MAPKAPK5: variants seen among roughly 807,000 people sequenced by gnomAD.
MAPKAPK5 encodes MAPK activated protein kinase 5.
In MAPKAPK5, 30 loss-of-function variants were observed where a neutral mutation model predicts 65.1. The observed-to-expected ratio is 0.46, with a 90% CI of 0.34 to 0.63. The LOEUF (loss-of-function observed/expected upper bound fraction) is 0.63, where lower values mean the gene tolerates loss of function less well. Ranked by LOEUF, MAPKAPK5 falls within the 20% of genes least tolerant of loss-of-function variation. The pLI is 0.01. For synonymous variants in MAPKAPK5, 179 were observed against 204.6 expected (o/e 0.87, Z 1.07); for missense variants, 433 against 581.4 (o/e 0.74, Z 2.63).
chr12:111,855,853 C>CT (rs144921229), intron 1 of MAPKAPK5, among the ~76,000 whole-genome samples: 25,666 of 135,634 alleles, frequency 0.19, 2,513 homozygotes, highest in Middle Eastern at 0.27. Flanking sequence ...TGTTTAATTT[C>CT]TTTTTTTTTT....
chr12:111,842,676 CG>C lies in MAPKAPK5; in HGVS notation c.-54del. The stretch of plus-strand genomic sequence containing the variant: ...CGAGCCCTTTGCTCCCTCGGCCGCG[CG>C]GGGACAGGGCTGCTGAGCAGCCTCC... On this transcript the variant is annotated 5_prime_UTR_variant, in exon 1 of 14. Transcript: ENST00000550735. 2.3e-6 allele frequency: 3 copies of C among 1,298,616 alleles called. No homozygotes were observed. Among genetic ancestry groups the C allele is most frequent in the South Asian group, 2.6e-5 (1 of 38,524 alleles). 80.4% of individuals were successfully genotyped at this position (1,298,616 alleles called of 1,614,324 possible).
chr12:111,866,272 C>T lies in MAPKAPK5; in HGVS notation c.186+41C>T, dbSNP rs758734248. ...TCGACTTAATTAAATAGTTGAAGTG[C>T]CTAAGAATTGTTCTTTTGCAAGTAA... On this transcript the variant is annotated intron_variant, in intron 3 of 13. Coordinates refer to ENST00000550735, the MANE Select transcript of MAPKAPK5 (RefSeq NM_003668.4). The T allele has an allele frequency of 1.9e-5, 30 of 1,544,408 alleles. No homozygotes were observed. In the Admixed American group the frequency reaches 4.7e-4, roughly 24 times the overall value.
At chr12:111,892,165 G>T (rs2070638035) in intron 13 of MAPKAPK5, among the ~76,000 whole-genome samples, 1 of 152,182 alleles carries the variant, frequency 6.6e-6, no homozygotes, top group African/African-American at 2.4e-5. Context: ...CATTTTCACT[G>T]TATGAATGTG....
intron 6 of MAPKAPK5, 51 bp downstream of exon 6, chr12:111,870,411 C>T (rs1381428854): frequency 6.9e-7 from 1 of 1,459,650 alleles, no homozygotes; most frequent in East Asian, 2.3e-5. Flanking sequence ...TAACATAGTT[C>T]AGGAGTGGGT....
In MAPKAPK5 at chr12:111,898,077, C is replaced by T. The variant is rs551242167; in HGVS notation, c.*5016C>T. On this transcript the variant is annotated 3_prime_UTR_variant, in exon 14 of 14. Transcript: ENST00000550735. ...TTTCAGGTCAATTTTAGTTCCAAACCGAAGAAATCTTTTAAAAGTTCTTAT... is the reference window on the plus strand; with the variant it reads ...TTTCAGGTCAATTTTAGTTCCAAACTGAAGAAATCTTTTAAAAGTTCTTAT... 6 of 151,974 alleles carry T rather than the reference C, an allele frequency of 3.9e-5. No individual in the cohort carries two copies. Among genetic ancestry groups the T allele is most frequent in the African/African-American group, 9.7e-5 (4 of 41,428 alleles). 9.4% of individuals were successfully genotyped at this position (151,974 alleles called of 1,614,324 possible).
At chr12:111,856,558 C>A (rs1371679540) in intron 1 of MAPKAPK5, among the ~76,000 whole-genome samples, 13 of 151,954 alleles carry the variant, frequency 8.6e-5, no homozygotes, top group Non-Finnish European at 2.9e-5. Context: ...AAGTGTGCAC[C>A]ACCATGCCTG....
chr12:111,857,905 G>C (rs1369341597), intron 1 of MAPKAPK5, among the ~76,000 whole-genome samples: 1 of 150,004 alleles, frequency 6.7e-6, no homozygotes, highest in African/African-American at 2.5e-5. Context: ...GTGTGTGTTT[G>C]TGTGTGTGTG....
chr12:111,857,398 T>C (rs868720132), intron 1 of MAPKAPK5, among the ~76,000 whole-genome samples: 1 of 152,114 alleles, frequency 6.6e-6, no homozygotes, highest in Non-Finnish European at 1.5e-5. Context: ...TGTGCCACCA[T>C]GCCTGGCTAT....
chr12:111,868,791 G>T lies in MAPKAPK5; in HGVS notation c.323G>T (p.Gly108Val), dbSNP rs369792889. 19 of 1,571,414 alleles carry T rather than the reference G, an allele frequency of 1.2e-5. No individual in the cohort carries two copies. Residue 108 changes from glycine (G) to valine (V), a missense_variant, in exon 5 of 14, where the codon GGA becomes GTA. This residue lies in a region of MAPKAPK5 where 165 missense variants were observed against 180.0 expected (regional missense o/e 0.92). Coordinates refer to ENST00000550735, the MANE Select transcript of MAPKAPK5 (RefSeq NM_003668.4). ...LLIVMEMMEG[G>V]ELFHRISQHR... The stretch of plus-strand genomic sequence containing the variant: ...ATTGTAATGGAGATGATGGAAGGGG[G>T]AGAGCTATTTCACAGAATCAGCCAG...
chr12:111,845,922 CA>C (rs2068894781), intron 1 of MAPKAPK5, among the ~76,000 whole-genome samples: 1 of 151,990 alleles, frequency 6.6e-6, no homozygotes, highest in African/African-American at 2.4e-5. Context: ...GACTCCTTCT[CA>C]AAAAAATAAT....
At position 111,842,680 on chromosome 12, in the gene MAPKAPK5, G is replaced by C. The variant is rs2068750946; in HGVS notation, c.-54G>C. 7.6e-7 allele frequency: 1 copy of C among 1,322,128 alleles called. No individual in the cohort carries two copies. The highest frequency in any genetic ancestry group is 9.7e-7 in the Non-Finnish European group (1 of 1,026,020). The allele number at this position is 1,322,128 out of a possible 1,614,324, so 81.9% of individuals were successfully genotyped here. On this transcript the variant is annotated 5_prime_UTR_variant, in exon 1 of 14. Transcript: ENST00000550735. ...CCCTTTGCTCCCTCGGCCGCGCGGG[G>C]ACAGGGCTGCTGAGCAGCCTCCGCC...
chr12:111,901,652 G>C lies in MAPKAPK5; in HGVS notation c.*8591G>C. 4.2e-6 allele frequency: 1 copy of C among 240,948 alleles called. No homozygotes were observed. The highest frequency in any genetic ancestry group is 8.3e-6 in the Non-Finnish European group (1 of 119,826). 14.9% of individuals were successfully genotyped at this position (240,948 alleles called of 1,614,324 possible). On this transcript the variant is annotated 3_prime_UTR_variant, in exon 14 of 14. Coordinates refer to ENST00000550735, the MANE Select transcript of MAPKAPK5 (RefSeq NM_003668.4). The stretch of plus-strand genomic sequence containing the variant: ...CACAGAAGAAAAAGAAGAGAAGGAG[G>C]AAGAAAAAGAAGAGGAGGAGGAGGA...
intron 7 of MAPKAPK5, chr12:111,879,779 G>C (rs1263417565): frequency 6.5e-6 from 1 of 153,142 alleles, no homozygotes; most frequent in Non-Finnish European, 1.5e-5. Context: ...CCTTTGCAAA[G>C]TTGCCCAAGA....
Position 111,898,238 on chromosome 12 carries a change from G to A in MAPKAPK5, c.*5177G>A, listed in dbSNP as rs1377471670. 1.3e-5 allele frequency: 2 copies of A among 150,604 alleles called. No homozygotes were observed. The highest frequency in any genetic ancestry group is 1.3e-4 in the Admixed American group (2 of 15,036). The allele number at this position is 150,604 out of a possible 1,614,324, so 9.3% of individuals were successfully genotyped here. A position where few individuals can be genotyped will look rare whatever the true frequency, so the allele number is the denominator to read the frequency against. On this transcript the variant is annotated 3_prime_UTR_variant, in exon 14 of 14. Transcript: ENST00000550735. The stretch of plus-strand genomic sequence containing the variant: ...GGTTGGAGTGCAATGGTGTGATCTC[G>A]GCTTACTGCAACCTACGCCTCCTGG...
At chr12:111,865,167 G>T (rs757445701) in intron 1 of MAPKAPK5, 83 bp from the exon 2 acceptor site, 2 of 806,542 alleles carry the variant, frequency 2.5e-6, no homozygotes, top group Non-Finnish European at 2.1e-6. Flanking sequence ...TGAGTGACAG[G>T]TCTTCTGTTG....
chr12:111,899,505 A>G lies in MAPKAPK5; in HGVS notation c.*6444A>G, dbSNP rs1353993868. 1 of 175,730 alleles carries G rather than the reference A, an allele frequency of 5.7e-6. No homozygotes were observed. The highest frequency in any genetic ancestry group is 2.4e-5 in the African/African-American group (1 of 42,126). The allele number at this position is 175,730 out of a possible 1,614,324, so 10.9% of individuals were successfully genotyped here. ...CTATTACTCTTTCTATGAAATAATT[A>G]TTCCAAAGAGGCTGACAGTCCAGGG... On this transcript the variant is annotated 3_prime_UTR_variant, in exon 14 of 14. Transcript: ENST00000550735.
intron 5 of MAPKAPK5, among the ~76,000 whole-genome samples, 199 bp downstream of exon 5, chr12:111,869,060 T>A (rs558996037): frequency 1.3e-5 from 2 of 152,298 alleles, no homozygotes; most frequent in African/African-American, 4.8e-5. Context: ...ACTGTGTTCT[T>A]AATTGGTTGT....
intron 12 of MAPKAPK5, 82 bp from the exon 13 acceptor site, chr12:111,889,958 A>G: frequency 2.4e-6 from 2 of 821,732 alleles, no homozygotes; most frequent in Non-Finnish European, 4.1e-6. Flanking sequence ...AACCAGTTGG[A>G]CATCACGTCC....
In MAPKAPK5 at chr12:111,895,059, A is replaced by AGTGTC; in HGVS notation, c.*1999_*2003dup. The AGTGTC allele has an allele frequency of 6.6e-6, 1 of 150,452 alleles. No homozygotes were observed. Among genetic ancestry groups the AGTGTC allele is most frequent in the South Asian group, 2.1e-4 (1 of 4,742 alleles). 9.3% of individuals were successfully genotyped at this position (150,452 alleles called of 1,614,324 possible). On this transcript the variant is annotated 3_prime_UTR_variant, in exon 14 of 14. Coordinates refer to ENST00000550735, the MANE Select transcript of MAPKAPK5 (RefSeq NM_003668.4). The stretch of plus-strand genomic sequence containing the variant: ...CTGTGGGAATAGATGATAAAAAACA[A>AGTGTC]GTGTCTTAAGAATTACCTTATTACA...
Sources: gnomAD v4.1 joint callset for allele counts (sites outside exome capture counted in the v4.1 genomes callset) on GRCh38, gnomAD v4.1.1 for gene constraint, gnomAD v4.1.1 regional missense constraint, MANE v1.5 for transcripts, NCBI Gene and HGNC (gene_info 2026-07-23, HGNC 2026-07-21) for gene names.